Variants in TRAF3 observed in about 807,000 individuals in gnomAD.
TRAF3 encodes TNF receptor-associated factor 3.
Under a neutral mutation model 62.3 loss-of-function variants are expected in TRAF3, and 13 were observed. The observed-to-expected ratio is 0.21, with a 90% CI of 0.14 to 0.33. The LOEUF is 0.33. Among genes scored for constraint, TRAF3 ranks in the 10% least tolerant of loss-of-function variants. The probability of loss-of-function intolerance (pLI) is 1.00; values close to 1 mark genes in which losing one functional copy is unlikely to be tolerated. For missense variants in TRAF3, 440 were observed against 741.8 expected, an observed-to-expected ratio of 0.59 and a Z score of 4.73; for synonymous variants, 269 against 283.4, an observed-to-expected ratio of 0.95 and a Z score of 0.51.
At chr14:102,887,440 T>G (rs1889459246) in intron 7 of TRAF3, among the ~76,000 whole-genome samples, 1 of 152,204 alleles carries the variant, frequency 6.6e-6, no homozygotes, top group Admixed American at 6.5e-5. Flanking sequence ...CCCAGCACCT[T>G]GAAGCTGATG....
chr14:102,802,595 G>A (rs1195843040), intron 1 of TRAF3, among the ~76,000 whole-genome samples: 2 of 151,554 alleles, frequency 1.3e-5, no homozygotes, highest in Non-Finnish European at 2.9e-5. Flanking sequence ...TTGGGAGGTC[G>A]AGGTGGGAGG....
intron 2 of TRAF3, among the ~76,000 whole-genome samples, chr14:102,839,143 G>A (rs1444622838): frequency 2.0e-5 from 3 of 149,246 alleles, no homozygotes; most frequent in Admixed American, 6.7e-5. Context: ...CCTACAAAAT[G>A]AGCAGGCTAA....
At chr14:102,891,489 T>C (rs1889711509) in intron 9 of TRAF3, 72 bp downstream of exon 9, 1 of 1,493,568 alleles carries the variant, frequency 6.7e-7, no homozygotes, top group African/African-American at 1.4e-5. Flanking sequence ...CAAAACCTTT[T>C]TGTAGTTATT....
chr14:102,854,535 G>A (rs947196385), intron 2 of TRAF3, among the ~76,000 whole-genome samples: 6 of 152,170 alleles, frequency 3.9e-5, no homozygotes, highest in African/African-American at 1.2e-4. Flanking sequence ...TCTTACTTTT[G>A]TGTTGCCCAG....
chr14:102,883,525 A>C (rs1411918896), intron 6 of TRAF3, among the ~76,000 whole-genome samples: 19 of 152,110 alleles, frequency 1.2e-4, no homozygotes, highest in Non-Finnish European at 1.5e-5. Context: ...GTTATCAGTC[A>C]TGCTCTTGGA....
chr14:102,846,324 A>G (rs1478321694), intron 2 of TRAF3, among the ~76,000 whole-genome samples: 1 of 152,222 alleles, frequency 6.6e-6, no homozygotes, highest in Non-Finnish European at 1.5e-5. Flanking sequence ...ACTGAGTAGA[A>G]TATTACACAG....
rs1890388405 is a variant in TRAF3, at chr14:102,903,134, C to T, written c.961-121C>T. ...CTCCTGGAGTCAGAGCCGCGGGTGGCAGGCCTCATACAGGGGCCTCTGACT... is the reference window on the plus strand; with the variant it reads ...CTCCTGGAGTCAGAGCCGCGGGTGGTAGGCCTCATACAGGGGCCTCTGACT... On this transcript the variant is annotated intron_variant, in intron 10 of 11. Coordinates refer to ENST00000392745, the MANE Select transcript of TRAF3 (RefSeq NM_145725.3). The surrounding 1 kb of genome is among the most constrained non-coding windows in gnomAD (Gnocchi z 6.4). 1 of 1,375,138 alleles carries T rather than the reference C, an allele frequency of 7.3e-7. No individual in the cohort carries two copies. The allele number at this position is 1,375,138 out of a possible 1,614,324, so 85.2% of individuals were successfully genotyped here.
chr14:102,820,723 T>C (rs1899928193), intron 1 of TRAF3, among the ~76,000 whole-genome samples: 1 of 141,738 alleles, frequency 7.1e-6, no homozygotes, highest in Non-Finnish European at 1.5e-5. Flanking sequence ...CTCAATCTCC[T>C]GGGCTCAAGC....
intron 2 of TRAF3, among the ~76,000 whole-genome samples, chr14:102,859,962 C>T (rs1887587058): frequency 3.3e-5 from 5 of 152,166 alleles, no homozygotes; most frequent in African/African-American, 1.2e-4. Flanking sequence ...GATCCTGGAT[C>T]CCCCAAAGAG....
intron 6 of TRAF3, among the ~76,000 whole-genome samples, chr14:102,878,098 G>T (rs1888819608): frequency 6.6e-6 from 1 of 152,172 alleles, no homozygotes; most frequent in Admixed American, 6.5e-5. Context: ...CATTTAGTAT[G>T]TCAAAAAATG....
intron 1 of TRAF3, among the ~76,000 whole-genome samples, chr14:102,817,708 A>C (rs1899618800): frequency 6.6e-6 from 1 of 152,236 alleles, no homozygotes; most frequent in South Asian, 2.1e-4. Flanking sequence ...TACAAAATGT[A>C]ATACTTCATA....
intron 2 of TRAF3, among the ~76,000 whole-genome samples, chr14:102,834,733 T>A: frequency 7.0e-6 from 1 of 142,690 alleles, no homozygotes; most frequent in African/African-American, 2.6e-5. Context: ...CCCTACACCA[T>A]GCACAAAAAT....
rs1284521791 is a variant in TRAF3 at position 102,905,270 on chromosome 14, G to A, written c.1193G>A (p.Arg398His). The change falls in exon 12 of 12, where the codon CGC becomes CAC. Residue 398 changes from arginine (R) to histidine (H), a missense_variant. By Grantham distance (29) the Arg-to-His change is conservative. Around this residue, in one of 6 missense-constraint regions of TRAF3, gnomAD observed 42 missense variants for 86.1 expected, o/e 0.49. Transcript: ENST00000392745. ...HDQMLSVHDI[R>H]LADMDLRFQV... ...CAGATGCTGAGTGTGCACGACATCCGCCTAGCCGACATGGACCTGCGCTTC... is the reference window on the plus strand; with the variant it reads ...CAGATGCTGAGTGTGCACGACATCCACCTAGCCGACATGGACCTGCGCTTC... 6.2e-6 allele frequency: 10 copies of A among 1,614,204 alleles called. No individual in the cohort carries two copies. Among genetic ancestry groups the A allele is most frequent in the Non-Finnish European group, 8.5e-6 (10 of 1,180,046 alleles).
chr14:102,847,694 G>A (rs912853159), intron 2 of TRAF3, among the ~76,000 whole-genome samples: 1 of 152,090 alleles, frequency 6.6e-6, no homozygotes, highest in Non-Finnish European at 1.5e-5. Flanking sequence ...CTTAATTTGT[G>A]TAGATTTCTT....
intron 1 of TRAF3, among the ~76,000 whole-genome samples, chr14:102,816,515 A>G (rs1899532960): frequency 6.6e-6 from 1 of 152,226 alleles, no homozygotes. Context: ...TTGAAATGAT[A>G]AAGTTTAATG....
At position 102,893,804 on chromosome 14, in the gene TRAF3, G is replaced by A. The variant is rs1378585560; in HGVS notation, c.819+2387G>A. On this transcript the variant is annotated intron_variant, in intron 9 of 11. Transcript: ENST00000392745. ...CTCTGTCCATCAGAGCAGAGTCCTC[G>A]CCCTGTTGTCAGGCCAGCCAGCTCG... Among the ~76,000 whole-genome samples, 5 of 152,288 alleles carry A rather than the reference G, an allele frequency of 3.3e-5. No homozygotes were observed. In the South Asian group the frequency reaches 6.2e-4, roughly 19 times the overall value.
intron 2 of TRAF3, among the ~76,000 whole-genome samples, chr14:102,842,928 C>T (rs957219388): frequency 6.6e-6 from 1 of 152,078 alleles, no homozygotes; most frequent in Non-Finnish European, 1.5e-5. Flanking sequence ...AATTTTTAGG[C>T]CAGGCATGGT....
chr14:102,801,467 G>A (rs1262736107), intron 1 of TRAF3, among the ~76,000 whole-genome samples: 1 of 152,144 alleles, frequency 6.6e-6, no homozygotes, highest in African/African-American at 2.4e-5. Context: ...GTCAGTATAT[G>A]CCATGTTAGT....
intron 2 of TRAF3, among the ~76,000 whole-genome samples, chr14:102,835,735 C>T (rs1256688926): frequency 2.0e-5 from 3 of 152,008 alleles, no homozygotes; most frequent in Non-Finnish European, 4.4e-5. Context: ...AGGGAACAAC[C>T]GACAGTAGGG....
Sources: gnomAD v4.1 joint callset for allele counts (sites outside exome capture counted in the v4.1 genomes callset) on GRCh38, gnomAD v4.1.1 for gene constraint, gnomAD v4.1.1 regional missense constraint, Gnocchi (gnomAD v3.1) non-coding constraint, MANE v1.5 for transcripts, NCBI Gene and HGNC (gene_info 2026-07-23, HGNC 2026-07-21) for gene names.